Variants in MTHFD2L observed in about 807,000 individuals in gnomAD.
The protein encoded by MTHFD2L is methylenetetrahydrofolate dehydrogenase (NADP+ dependent) 2 like, also known as bifunctional methylenetetrahydrofolate dehydrogenase/cyclohydrolase 2, mitochondrial.
In MTHFD2L, 29 loss-of-function variants were observed where a neutral mutation model predicts 34.9. That is an observed-to-expected ratio of 0.83 (90% confidence interval 0.62 to 1.13). MTHFD2L has a LOEUF of 1.13. Among genes scored for constraint, MTHFD2L ranks in the 50% most tolerant of loss-of-function variants. MTHFD2L has a pLI of 0.00. For synonymous variants in MTHFD2L, 167 were observed against 155.7 expected, an observed-to-expected ratio of 1.07 and a Z score of -0.54; for missense variants, 481 against 446.5, an observed-to-expected ratio of 1.08 and a Z score of -0.70.
intron 1 of MTHFD2L, among the ~76,000 whole-genome samples, chr4:74,132,849 T>C (rs1484565338): frequency 1.3e-5 from 2 of 152,202 alleles, no homozygotes; most frequent in Admixed American, 6.6e-5. Context: ...CAGGTTGTTG[T>C]CGCTATTATT....
chr4:74,299,362 T>C (rs1374599268), intron 7 of MTHFD2L, among the ~76,000 whole-genome samples: 2 of 151,588 alleles, frequency 1.3e-5, no homozygotes, highest in South Asian at 2.1e-4. Flanking sequence ...GTAGTGTAAA[T>C]AGTAGTAGTA....
chr4:74,137,143 G>A (rs1471545397), intron 1 of MTHFD2L, among the ~76,000 whole-genome samples: 2 of 152,028 alleles, frequency 1.3e-5, no homozygotes, highest in Non-Finnish European at 2.9e-5. Context: ...TAAAACTTTT[G>A]AATAGCAAAG....
At chr4:74,299,689 C>A (rs1327647796) in intron 7 of MTHFD2L, among the ~76,000 whole-genome samples, 1 of 151,924 alleles carries the variant, frequency 6.6e-6, no homozygotes, top group African/African-American at 2.4e-5. Context: ...TAAGTAAGGG[C>A]AATTTAAGTT....
At chr4:74,215,977 A>G (rs1467402805) in intron 5 of MTHFD2L, among the ~76,000 whole-genome samples, 1 of 151,818 alleles carries the variant, frequency 6.6e-6, no homozygotes, top group Non-Finnish European at 1.5e-5. Flanking sequence ...GGAAAAAAAA[A>G]AATGACAGTT....
chr4:74,290,258 A>G (rs1748713566), intron 7 of MTHFD2L, among the ~76,000 whole-genome samples: 1 of 152,228 alleles, frequency 6.6e-6, no homozygotes, highest in African/African-American at 2.4e-5. Flanking sequence ...GCTCAGTATC[A>G]TTATCCTAAG....
At chr4:74,211,183 TTGCCTGATTGCCC>T (rs1325215338) in intron 5 of MTHFD2L, among the ~76,000 whole-genome samples, 3 of 152,154 alleles carry the variant, frequency 2.0e-5, no homozygotes, top group Non-Finnish European at 4.4e-5. Context: ...TTTTTTTCTC[TTGCCTGATTGCCC>T]TGGCCAGAAC....
chr4:74,183,573 A>G, intron 3 of MTHFD2L: 1 of 152,232 alleles, frequency 6.6e-6, no homozygotes, highest in Non-Finnish European at 1.5e-5. Context: ...GATTGCTTGG[A>G]CCTGGGAAGT....
intron 3 of MTHFD2L, among the ~76,000 whole-genome samples, chr4:74,184,845 A>C (rs979552871): frequency 6.6e-6 from 1 of 152,126 alleles, no homozygotes; most frequent in Admixed American, 6.6e-5. Context: ...TAAATTAAAA[A>C]TGAGTAACAA....
At chr4:74,146,843 C>G (rs1560412702) in intron 1 of MTHFD2L, among the ~76,000 whole-genome samples, 1 of 151,748 alleles carries the variant, frequency 6.6e-6, no homozygotes, top group Non-Finnish European at 1.5e-5. Flanking sequence ...ATTCTATTTT[C>G]TTTTTCCTCC....
chr4:74,193,040 AT>A (rs1732836307), intron 3 of MTHFD2L, among the ~76,000 whole-genome samples: 1 of 152,136 alleles, frequency 6.6e-6, no homozygotes, highest in African/African-American at 2.4e-5. Flanking sequence ...ATACAATGAT[AT>A]TCTTCTAAAT....
intron 1 of MTHFD2L, among the ~76,000 whole-genome samples, chr4:74,162,483 T>A (rs2109901164): frequency 6.6e-6 from 1 of 151,658 alleles, no homozygotes; most frequent in South Asian, 2.1e-4. Context: ...GTGTATAGTT[T>A]ACAACAGATG....
At position 74,160,197 on chromosome 4, in the gene MTHFD2L, A is replaced by T. The variant is rs538890637; in HGVS notation, c.143+1916A>T. The T allele has an allele frequency of 3.7e-5, 32 of 868,136 alleles. No individual in the cohort carries two copies. In the South Asian group the frequency reaches 4.5e-4, roughly 12 times the overall value. 53.8% of individuals were successfully genotyped at this position (868,136 alleles called of 1,614,324 possible). A position where few individuals can be genotyped will look rare whatever the true frequency, so the allele number is the denominator to read the frequency against. On this transcript the variant is annotated intron_variant, in intron 1 of 7. Coordinates refer to ENST00000325278, the MANE Select transcript of MTHFD2L (RefSeq NM_001144978.3). ...TCATAGTTAATGTGGTTTAAGTCTG[A>T]CATCTTTTCTTTTGCCATGAAATTT... is the stretch of plus-strand genomic sequence containing the variant.
chr4:74,238,814 C>T (rs534968481), intron 6 of MTHFD2L, among the ~76,000 whole-genome samples: 7 of 152,092 alleles, frequency 4.6e-5, no homozygotes, highest in Non-Finnish European at 5.9e-5. Context: ...GTTAGAATGG[C>T]GATCGTTAAA....
At chr4:74,279,644 C>T (rs1291047985) in intron 6 of MTHFD2L, among the ~76,000 whole-genome samples, 3 of 152,064 alleles carry the variant, frequency 2.0e-5, no homozygotes, top group Admixed American at 6.6e-5. Flanking sequence ...AGTAGCTGGA[C>T]TGTAATAACT....
At chr4:74,184,687 A>C (rs1218190244) in intron 3 of MTHFD2L, among the ~76,000 whole-genome samples, 2 of 152,126 alleles carry the variant, frequency 1.3e-5, no homozygotes, top group Non-Finnish European at 2.9e-5. Context: ...AATTTATAGA[A>C]TACTCTCCCC....
chr4:74,185,163 A>AACAAAC (rs1553904405), intron 3 of MTHFD2L, among the ~76,000 whole-genome samples: 1 of 150,372 alleles, frequency 6.7e-6, no homozygotes, highest in African/African-American at 2.5e-5. Flanking sequence ...AAAAAAAAAA[A>AACAAAC]AAAAAAAAAA....
chr4:74,150,023 A>G (rs1296086399), intron 1 of MTHFD2L, among the ~76,000 whole-genome samples: 4 of 152,086 alleles, frequency 2.6e-5, no homozygotes. Flanking sequence ...AAAGAGAGAG[A>G]AATAATGGAA....
At chr4:74,145,779 A>G (rs1723556668) in intron 1 of MTHFD2L, among the ~76,000 whole-genome samples, 1 of 152,122 alleles carries the variant, frequency 6.6e-6, no homozygotes, top group South Asian at 2.1e-4. Flanking sequence ...CCCACTTAGT[A>G]CAGTATAGTG....
intron 1 of MTHFD2L, among the ~76,000 whole-genome samples, chr4:74,169,818 C>T (rs1017622363): frequency 5.3e-5 from 8 of 152,186 alleles, no homozygotes; most frequent in African/African-American, 1.9e-4. Context: ...AAGTTTGTTA[C>T]TTTACTTTGA....
Sources: gnomAD v4.1 joint callset for allele counts (sites outside exome capture counted in the v4.1 genomes callset) on GRCh38, gnomAD v4.1.1 for gene constraint, MANE v1.5 for transcripts, NCBI Gene and HGNC (gene_info 2026-07-23, HGNC 2026-07-21) for gene names.